KLHL25: variants seen among roughly 807,000 people sequenced by gnomAD.
The protein encoded by KLHL25 is kelch-like protein 25.
Under a neutral mutation model 30.0 loss-of-function variants are expected in KLHL25, and 41 were observed. The ratio of observed to expected loss-of-function variants is 1.37; its 90% CI spans 1.07 to 1.78. The LOEUF (loss-of-function observed/expected upper bound fraction) is 1.78. Among genes scored for constraint, KLHL25 ranks in the 40% most tolerant of loss-of-function variants. The pLI is 0.00. For missense variants in KLHL25, 971 were observed against 824.5 expected (o/e 1.18, Z -2.18); for synonymous variants, 399 against 355.3 (o/e 1.12, Z -1.38).
chr15:85,768,930 C>A lies in KLHL25; in HGVS notation c.881G>T (p.Gly294Val). 1 of 1,613,334 alleles carries A rather than the reference C, an allele frequency of 6.2e-7. No individual in the cohort carries two copies. Among genetic ancestry groups the A allele is most frequent in the Non-Finnish European group, 8.5e-7 (1 of 1,180,042 alleles). Residue 294 changes from glycine to valine, a missense_variant, in exon 2 of 3, where the codon GGC becomes GTC. Coordinates refer to ENST00000337975, the MANE Select transcript of KLHL25 (RefSeq NM_022480.4). The part of the protein sequence containing the change: ...TSPCARPRKA[G>V]HTLLILGGQT... ...GCCCCCCAGGATGAGTAGCGTGTGG[C>A]CCGCCTTGCGTGGCCGGGCACAGGG...
chr15:85,787,234 G>A (rs2089786967), intron 1 of KLHL25, among the ~76,000 whole-genome samples: 1 of 152,112 alleles, frequency 6.6e-6, no homozygotes, highest in African/African-American at 2.4e-5. Context: ...ATCACCTGAG[G>A]TCAGGAGTTT....
Position 85,769,121 on chromosome 15 carries a change from G to A in KLHL25, c.690C>T (p.Pro230=), listed in dbSNP as rs150425154. 44 of 1,606,932 alleles carry A rather than the reference G, an allele frequency of 2.7e-5. No homozygotes were observed. The highest frequency in any genetic ancestry group is 8.4e-5 in the Admixed American group (5 of 59,880). The change falls in exon 2 of 3, where the codon CCC becomes CCT. Residue 230 remains proline (P), a synonymous_variant. Transcript: ENST00000337975. ...CCAGACGCACGCTGCGGAGGAGCTC[G>A]GGCAAGTGGACCTTCCGTGGCTCCA... ...HDLEPRKVHL[P]ELLRSVRLAL...
At chr15:85,785,384 C>T (rs561593516) in intron 1 of KLHL25, among the ~76,000 whole-genome samples, 7 of 152,284 alleles carry the variant, frequency 4.6e-5, no homozygotes, top group African/African-American at 1.2e-4. Context: ...TGAGCCACCA[C>T]GCCCGGCCAA....
chr15:85,790,825 G>A (rs961121197), intron 1 of KLHL25, among the ~76,000 whole-genome samples: 1 of 151,662 alleles, frequency 6.6e-6, no homozygotes, highest in East Asian at 1.9e-4. Flanking sequence ...GTATGACCAG[G>A]AAGATTTTTA....
At chr15:85,782,673 A>G (rs181867560) in intron 1 of KLHL25, among the ~76,000 whole-genome samples, 4 of 152,278 alleles carry the variant, frequency 2.6e-5, no homozygotes, top group Admixed American at 2.0e-4. Flanking sequence ...CAGTAAGTAC[A>G]CTGAAATCTG....
At chr15:85,770,187 G>A (rs1236646861) in intron 1 of KLHL25, among the ~76,000 whole-genome samples, 1 of 152,180 alleles carries the variant, frequency 6.6e-6, no homozygotes, top group Non-Finnish European at 1.5e-5. Flanking sequence ...TAAGTAACTG[G>A]TGCCTTTGAC....
At chr15:85,783,376 G>A (rs1049823912) in intron 1 of KLHL25, among the ~76,000 whole-genome samples, 4 of 152,038 alleles carry the variant, frequency 2.6e-5, no homozygotes, top group African/African-American at 9.6e-5. Context: ...TTACAGGCAT[G>A]AGCCACTGTG....
At chr15:85,783,904 C>T (rs1370527791) in intron 1 of KLHL25, among the ~76,000 whole-genome samples, 1 of 152,150 alleles carries the variant, frequency 6.6e-6, no homozygotes, top group Non-Finnish European at 1.5e-5. Context: ...TACTGAAATT[C>T]TCTGAGACTC....
Position 85,794,806 on chromosome 15 carries a change from C to T in KLHL25, c.-51G>A. Reference sequence around the variant, plus strand: ...CCGCCGCCGCCGCCGCCTCAGAGACCACTCCCGGCAGCCCGCGCGAGCTCA... The same window carrying T: ...CCGCCGCCGCCGCCGCCTCAGAGACTACTCCCGGCAGCCCGCGCGAGCTCA... On this transcript the variant is annotated 5_prime_UTR_variant, in exon 1 of 3. Coordinates refer to ENST00000337975, the MANE Select transcript of KLHL25 (RefSeq NM_022480.4). The T allele has an allele frequency of 6.5e-6, 1 of 153,094 alleles. No homozygotes were observed. Among genetic ancestry groups the T allele is most frequent in the Non-Finnish European group, 1.5e-5 (1 of 68,458 alleles). The allele number at this position is 153,094 out of a possible 1,614,324, so 9.5% of individuals were successfully genotyped here.
Position 85,782,180 on chromosome 15 carries a change from G to A in KLHL25, c.-10-12360C>T, listed in dbSNP as rs143350190. ...CGGTCTCTTGAAATTACATATGTAC[G>A]TTTATTTATAGCAAAAACATGGGTG... On this transcript the variant is annotated intron_variant, in intron 1 of 2. Coordinates refer to ENST00000337975, the MANE Select transcript of KLHL25 (RefSeq NM_022480.4). Among the ~76,000 whole-genome samples, 18 of 152,268 alleles carry A rather than the reference G, an allele frequency of 1.2e-4. 1 individual carries two copies. The East Asian group carries it at 3.5e-3, about 29-fold the overall frequency.
chr15:85,777,104 A>G (rs933105606), intron 1 of KLHL25, among the ~76,000 whole-genome samples: 1 of 152,166 alleles, frequency 6.6e-6, no homozygotes, highest in African/African-American at 2.4e-5. Flanking sequence ...TGCCTCCTGC[A>G]CAGGAATGGG....
intron 1 of KLHL25, among the ~76,000 whole-genome samples, chr15:85,774,760 T>C (rs1189402008): frequency 2.6e-5 from 4 of 152,076 alleles, no homozygotes; most frequent in Admixed American, 2.0e-4. Flanking sequence ...GCCTGCGTAG[T>C]ACCCAGGCAT....
chr15:85,763,057 G>A (rs2089594050), intron 2 of KLHL25: 1 of 152,432 alleles, frequency 6.6e-6, no homozygotes, highest in South Asian at 2.1e-4. Flanking sequence ...GGAAAGAAGG[G>A]TTGGGAGTCT....
rs982260825 is a variant in KLHL25, at chr15:85,760,948, G to C, written c.*88C>G. The C allele has an allele frequency of 6.6e-6, 1 of 152,406 alleles. No individual in the cohort carries two copies. The highest frequency in any genetic ancestry group is 2.4e-5 in the African/African-American group (1 of 41,490). 9.4% of individuals were successfully genotyped at this position (152,406 alleles called of 1,614,324 possible). On this transcript the variant is annotated 3_prime_UTR_variant, in exon 3 of 3. Transcript: ENST00000337975. ...TTCCACCTCTCGGAGTGCTGGCCCA[G>C]GGCCGGCTTAGCTCCCGCTGTGGCA...
intron 1 of KLHL25, among the ~76,000 whole-genome samples, chr15:85,794,520 T>G (rs1475986750): frequency 6.6e-6 from 1 of 152,166 alleles, no homozygotes; most frequent in Non-Finnish European, 1.5e-5. Context: ...AACAATTCAT[T>G]CCCTCGCGCA....
At position 85,769,828 on chromosome 15, in the gene KLHL25, G is replaced by A; in HGVS notation, c.-10-8C>T. On this transcript the variant is annotated splice_region_variant and splice_polypyrimidine_tract_variant and intron_variant, in intron 1 of 2. Coordinates refer to ENST00000337975, the MANE Select transcript of KLHL25 (RefSeq NM_022480.4). ...ACCGACATGGTGCGTCAGCTTGTGG[G>A]GGAACAAGCCCACAGGTTAGAGGAG... The A allele has an allele frequency of 4.4e-6, 7 of 1,594,138 alleles. No individual in the cohort carries two copies. Among genetic ancestry groups the A allele is most frequent in the Non-Finnish European group, 6.0e-6 (7 of 1,171,944 alleles).
chr15:85,765,989 C>T (rs1457743967), intron 2 of KLHL25, among the ~76,000 whole-genome samples: 3 of 152,194 alleles, frequency 2.0e-5, no homozygotes, highest in Admixed American at 6.5e-5. Context: ...TTAAGGGACT[C>T]GAAGGCTTGG....
At chr15:85,764,982 C>T (rs931184500) in intron 2 of KLHL25, among the ~76,000 whole-genome samples, 7 of 152,212 alleles carry the variant, frequency 4.6e-5, no homozygotes, top group African/African-American at 1.7e-4. Flanking sequence ...CAGAGCAATT[C>T]CTGGGAGAGT....
At position 85,768,695 on chromosome 15, in the gene KLHL25, C is replaced by T. The variant is rs139047535; in HGVS notation, c.1116G>A (p.Ala372=). 1.9e-5 allele frequency: 30 copies of T among 1,613,294 alleles called. No individual in the cohort carries two copies. The highest frequency in any genetic ancestry group is 4.5e-5 in the East Asian group (2 of 44,878). The change falls in exon 2 of 3, where the codon GCG becomes GCA. Residue 372 remains alanine (A), a synonymous_variant. Transcript: ENST00000337975. ...DTVHEEWSKA[A]PMLIARFGHG... The stretch of plus-strand genomic sequence containing the variant: ...GGCCAAAGCGGGCAATCAGCATGGG[C>T]GCCGCCTTGGACCATTCCTCATGTA...
Sources: gnomAD v4.1 joint callset for allele counts (sites outside exome capture counted in the v4.1 genomes callset) on GRCh38, gnomAD v4.1.1 for gene constraint, MANE v1.5 for transcripts, NCBI Gene and HGNC (gene_info 2026-07-23, HGNC 2026-07-21) for gene names.